Variants in MYCBP2 observed in about 807,000 individuals in gnomAD.
The protein encoded by MYCBP2 is E3 ubiquitin-protein ligase MYCBP2.
MYCBP2 carries 120 observed loss-of-function variants against 525.3 expected under a neutral mutation model. The observed-to-expected ratio is 0.23, with a 90% confidence interval of 0.20 to 0.27. The LOEUF is 0.27. Among genes scored for constraint, MYCBP2 ranks in the 10% least tolerant of loss-of-function variants. The pLI is 1.00. For missense variants in MYCBP2, 4,149 were observed against 5,657.1 expected, an observed-to-expected ratio of 0.73 and a Z score of 8.55; for synonymous variants, 1,894 against 1,955.8, an observed-to-expected ratio of 0.97 and a Z score of 0.83.
At chr13:77,078,732 T>C in intron 66 of MYCBP2, 92 bp downstream of exon 66, 2 of 981,154 alleles carry the variant, frequency 2.0e-6, no homozygotes, top group Non-Finnish European at 3.3e-6. Flanking sequence ...AATACTTTGG[T>C]TGTGTGCCAA....
Position 77,181,686 on chromosome 13 carries a change from CAG to C in MYCBP2, c.4941+13_4941+14del. On this transcript the variant is annotated intron_variant, in intron 33 of 82. Coordinates refer to ENST00000544440, the MANE Select transcript of MYCBP2 (RefSeq NM_015057.5). Reference sequence around the variant, plus strand: ...TTTAGTGCCTCTGTATAAAAGATTTCAGAGACAGACCTACCTGGCTGAGTTTT... The same window carrying C: ...TTTAGTGCCTCTGTATAAAAGATTTCAGACAGACCTACCTGGCTGAGTTTT... The C allele has an allele frequency of 6.2e-7, 1 of 1,609,498 alleles. No individual in the cohort carries two copies. The highest frequency in any genetic ancestry group is 8.5e-7 in the Non-Finnish European group (1 of 1,177,212).
chr13:77,089,645 CTGTTT>C, intron 60 of MYCBP2, among the ~76,000 whole-genome samples: 1 of 145,280 alleles, frequency 6.9e-6, no homozygotes, highest in African/African-American at 2.6e-5. Context: ...GATCATGTAA[CTGTTT>C]TTTTTTTTTT....
At chr13:77,321,121 A>C (rs2154382611) in intron 1 of MYCBP2, among the ~76,000 whole-genome samples, 1 of 152,378 alleles carries the variant, frequency 6.6e-6, no homozygotes, top group African/African-American at 2.4e-5. Context: ...CCCTCCTCAG[A>C]AAACCTAAAT....
chr13:77,296,688 GA>G lies in MYCBP2; in HGVS notation c.303-15del. ...ATTTTCTTATTCCTAAATATTAAAA[GA>G]AAAATGGGAAAAAAATATGAATGTT... On this transcript the variant is annotated splice_polypyrimidine_tract_variant and intron_variant, in intron 1 of 82. Coordinates refer to ENST00000544440, the MANE Select transcript of MYCBP2 (RefSeq NM_015057.5). 2 of 1,316,680 alleles carry G rather than the reference GA, an allele frequency of 1.5e-6. No individual in the cohort carries two copies. Among genetic ancestry groups the G allele is most frequent in the Non-Finnish European group, 2.1e-6 (2 of 964,426 alleles). The allele number at this position is 1,316,680 out of a possible 1,614,324, so 81.6% of individuals were successfully genotyped here. A position where few individuals can be genotyped will look rare whatever the true frequency, so the allele number is the denominator to read the frequency against.
At chr13:77,151,522 A>G (rs1354331072) in intron 46 of MYCBP2, among the ~76,000 whole-genome samples, 1 of 152,242 alleles carries the variant, frequency 6.6e-6, no homozygotes, top group Non-Finnish European at 1.5e-5. Flanking sequence ...CATTTGATTT[A>G]AGCAATCTAT....
At chr13:77,117,215 A>G (rs2049928757) in intron 55 of MYCBP2, among the ~76,000 whole-genome samples, 1 of 152,060 alleles carries the variant, frequency 6.6e-6, no homozygotes, top group African/African-American at 2.4e-5. Context: ...CACATGTGAC[A>G]CTATTTTGTT....
intron 58 of MYCBP2, among the ~76,000 whole-genome samples, chr13:77,093,567 A>G (rs1479731849): frequency 6.6e-6 from 1 of 152,194 alleles, no homozygotes; most frequent in Non-Finnish European, 1.5e-5. Flanking sequence ...TTTCCTTTTG[A>G]GAACTTTTCC....
At position 77,180,057 on chromosome 13, in the gene MYCBP2, T is replaced by C. The variant is rs896915560; in HGVS notation, c.5133+70A>G. The C allele has an allele frequency of 5.4e-6, 7 of 1,304,300 alleles. No homozygotes were observed. In the African/African-American group the frequency reaches 5.9e-5, roughly 11 times the overall value. 80.8% of individuals were successfully genotyped at this position (1,304,300 alleles called of 1,614,324 possible). A position where few individuals can be genotyped will look rare whatever the true frequency, so the allele number is the denominator to read the frequency against. ...ATTAGCTTCCACAAAGCCAAAATAG[T>C]TGAAAAAAGAAACTGTGTAAAAAAC... On this transcript the variant is annotated intron_variant, in intron 34 of 82. Coordinates refer to ENST00000544440, the MANE Select transcript of MYCBP2 (RefSeq NM_015057.5).
chr13:77,169,233 A>G (rs2058870766), intron 39 of MYCBP2, among the ~76,000 whole-genome samples: 1 of 152,074 alleles, frequency 6.6e-6, no homozygotes, highest in Non-Finnish European at 1.5e-5. Flanking sequence ...CGTCTCTACT[A>G]AAAATACAAA....
intron 62 of MYCBP2, among the ~76,000 whole-genome samples, chr13:77,084,648 C>T (rs2043903307): frequency 6.6e-6 from 1 of 151,948 alleles, no homozygotes; most frequent in African/African-American, 2.4e-5. Flanking sequence ...CAAGGGCATG[C>T]CAGGAGTATT....
Position 77,113,882 on chromosome 13 carries a change from A to C in MYCBP2, c.8140+7491T>G, listed in dbSNP as rs147341605. Among the ~76,000 whole-genome samples, 79 of 152,262 alleles carry C rather than the reference A, an allele frequency of 5.2e-4. No homozygotes were observed. The East Asian group carries it at 0.012, about 23-fold the overall frequency. ...GTTGGTTGTTGTGACAGATGTTATA[A>C]AGTCAAGTGGAAAAGTTTTATTAAA... On this transcript the variant is annotated intron_variant, in intron 55 of 82. Coordinates refer to ENST00000544440, the MANE Select transcript of MYCBP2 (RefSeq NM_015057.5).
intron 2 of MYCBP2, among the ~76,000 whole-genome samples, chr13:77,294,131 C>CACATATATATATATATATATACACAT (rs1555465826): frequency 1.5e-5 from 1 of 65,692 alleles, no homozygotes; most frequent in Non-Finnish European, 3.0e-5. Context: ...TATATATATA[C>CACATATATATATATATATATACACAT]ATATATATAT....
intron 2 of MYCBP2, among the ~76,000 whole-genome samples, chr13:77,290,716 G>GGAA (rs2077380330): frequency 6.6e-6 from 1 of 152,170 alleles, no homozygotes; most frequent in South Asian, 2.1e-4. Context: ...GGGTGAGGAA[G>GGAA]GAAGATACCT....
At chr13:77,177,690 G>T in intron 35 of MYCBP2, 58 bp downstream of exon 35, 2 of 1,366,102 alleles carry the variant, frequency 1.5e-6, no homozygotes, top group Non-Finnish European at 2.1e-6. Context: ...CTATGACAAT[G>T]GTAAATCCTG....
Position 77,189,481 on chromosome 13 carries a change from C to T in MYCBP2, c.4155-434G>A, listed in dbSNP as rs569574701. ...GCACGGTGCATAAAAACCAAACAAA[C>T]GAAAAAACCTTTTGGGGAAAAATAA... is the stretch of plus-strand genomic sequence containing the variant. On this transcript the variant is annotated intron_variant, in intron 29 of 82. Transcript: ENST00000544440. 2.0e-5 allele frequency among the ~76,000 whole-genome samples: 3 copies of T among 151,930 alleles called. No homozygotes were observed. In the East Asian group the frequency reaches 5.8e-4, roughly 29 times the overall value.
At chr13:77,164,619 T>C in intron 42 of MYCBP2, 78 bp from the exon 43 acceptor site, 1 of 879,118 alleles carries the variant, frequency 1.1e-6, no homozygotes, top group East Asian at 2.5e-5. Flanking sequence ...GTGATTTGAA[T>C]TCAAGCATTA....
chr13:77,154,629 A>G (rs1342212139), intron 46 of MYCBP2, among the ~76,000 whole-genome samples: 1 of 152,120 alleles, frequency 6.6e-6, no homozygotes, highest in Non-Finnish European at 1.5e-5. Flanking sequence ...ATGTTGTCAC[A>G]TGAATAAAAA....
chr13:77,255,168 A>G (rs1594377506), intron 14 of MYCBP2, among the ~76,000 whole-genome samples: 11 of 152,020 alleles, frequency 7.2e-5, no homozygotes, highest in Middle Eastern at 3.4e-3. Context: ...TTTTTGAGTC[A>G]CCTTCATACG....
intron 1 of MYCBP2, among the ~76,000 whole-genome samples, chr13:77,317,988 TAACATAACATAACATAACA>T (rs965827096): frequency 6.7e-6 from 1 of 149,114 alleles, no homozygotes; most frequent in African/African-American, 2.5e-5. Flanking sequence ...TAACATAACA[TAACATAACATAACATAACA>T]GTGGGTCCCT....
Sources: gnomAD v4.1 joint callset for allele counts (sites outside exome capture counted in the v4.1 genomes callset) on GRCh38, gnomAD v4.1.1 for gene constraint, MANE v1.5 for transcripts, NCBI Gene and HGNC (gene_info 2026-07-23, HGNC 2026-07-21) for gene names.